The following MEI4 variants were observed in gnomAD, a reference collection of about 807,000 sequenced individuals.
MEI4 encodes meiosis-specific protein MEI4.
In MEI4, 27 loss-of-function variants were observed where a neutral mutation model predicts 31.4. The ratio of observed to expected loss-of-function variants is 0.86; its 90% CI spans 0.63 to 1.19. MEI4 has a LOEUF of 1.19. Among genes scored for constraint, MEI4 ranks in the 50% most tolerant of loss-of-function variants. The pLI, the probability that MEI4 is intolerant of heterozygous loss-of-function variation, is 0.00. For synonymous variants in MEI4, 122 were observed against 145.4 expected, an observed-to-expected ratio of 0.84 and a Z score of 1.16; for missense variants, 329 against 398.9, an observed-to-expected ratio of 0.82 and a Z score of 1.49.
intron 4 of MEI4, among the ~76,000 whole-genome samples, chr6:77,877,715 CTT>C (rs56798153): frequency 4.0e-5 from 5 of 125,858 alleles, no homozygotes; most frequent in Non-Finnish European, 6.6e-5. Context: ...AGCAGTCAGC[CTT>C]TTTTTTTTTT....
chr6:77,876,902 A>T (rs926632442), intron 4 of MEI4, among the ~76,000 whole-genome samples: 3 of 152,182 alleles, frequency 2.0e-5, no homozygotes, highest in Admixed American at 6.6e-5. Flanking sequence ...TGTGGAAGAT[A>T]TGAAGGAAAA....
intron 4 of MEI4, among the ~76,000 whole-genome samples, chr6:77,916,071 T>A (rs1226193841): frequency 2.6e-5 from 4 of 152,078 alleles, no homozygotes; most frequent in Admixed American, 2.0e-4. Context: ...ATATTTTGTG[T>A]TTTATTCAAT....
At chr6:77,887,239 GT>G (rs1160678925) in intron 4 of MEI4, among the ~76,000 whole-genome samples, 1 of 138,556 alleles carries the variant, frequency 7.2e-6, no homozygotes, top group Non-Finnish European at 1.6e-5. Flanking sequence ...TAGTCATTTT[GT>G]TTATTTTTTT....
At chr6:77,680,257 C>T (rs1235802108) in intron 1 of MEI4, among the ~76,000 whole-genome samples, 1 of 150,648 alleles carries the variant, frequency 6.6e-6, no homozygotes, top group African/African-American at 2.4e-5. Context: ...CTAGCCTGGG[C>T]GAGTGAGACT....
At chr6:77,733,327 G>T (rs1767071786) in intron 2 of MEI4, among the ~76,000 whole-genome samples, 1 of 152,040 alleles carries the variant, frequency 6.6e-6, no homozygotes, top group Non-Finnish European at 1.5e-5. Context: ...TCTATTCAGA[G>T]ATTCAACTTC....
chr6:77,747,498 G>T (rs992974164), intron 2 of MEI4, among the ~76,000 whole-genome samples: 3 of 152,064 alleles, frequency 2.0e-5, no homozygotes, highest in African/African-American at 4.8e-5. Flanking sequence ...AGGGGGAAGA[G>T]CCCCTTATAA....
At chr6:77,913,078 T>A (rs1766466774) in intron 4 of MEI4, among the ~76,000 whole-genome samples, 1 of 152,116 alleles carries the variant, frequency 6.6e-6, no homozygotes, top group Non-Finnish European at 1.5e-5. Flanking sequence ...TCACATGGGT[T>A]TTGTCCTTTA....
intron 4 of MEI4, among the ~76,000 whole-genome samples, chr6:77,895,075 G>A (rs1483267031): frequency 6.6e-6 from 1 of 152,142 alleles, no homozygotes; most frequent in African/African-American, 2.4e-5. Context: ...TTAATTACTA[G>A]CCTAACACAG....
intron 2 of MEI4, among the ~76,000 whole-genome samples, chr6:77,753,842 G>C (rs919949546): frequency 6.6e-6 from 1 of 152,106 alleles, no homozygotes. Flanking sequence ...CAAAGACTTG[G>C]AACCAACCCA....
chr6:77,699,146 G>A (rs1389272018), intron 2 of MEI4, among the ~76,000 whole-genome samples: 2 of 149,894 alleles, frequency 1.3e-5, no homozygotes, highest in Admixed American at 6.6e-5. Context: ...TCTCTGCACT[G>A]GTTATTCTAG....
intron 2 of MEI4, among the ~76,000 whole-genome samples, chr6:77,714,900 G>A (rs936407412): frequency 5.9e-5 from 9 of 152,152 alleles, no homozygotes; most frequent in African/African-American, 2.2e-4. Context: ...TGACCCTCTA[G>A]CGTATCACCT....
At chr6:77,873,947 C>T (rs1205211014) in intron 4 of MEI4, among the ~76,000 whole-genome samples, 1 of 152,174 alleles carries the variant, frequency 6.6e-6, no homozygotes, top group Admixed American at 6.5e-5. Flanking sequence ...GGGCTCTGTT[C>T]TGTTCCATTG....
At chr6:77,848,481 T>TGTGCCTGTAAATAAAACTA (rs1393050228) in intron 4 of MEI4, among the ~76,000 whole-genome samples, 2 of 152,114 alleles carry the variant, frequency 1.3e-5, no homozygotes, top group African/African-American at 4.8e-5. Context: ...TATGTCTTAA[T>TGTGCCTGTAAATAAAACTA]AAGTAAATAA....
intron 4 of MEI4, among the ~76,000 whole-genome samples, chr6:77,919,450 C>T (rs9361314): frequency 0.14 from 21,707 of 151,752 alleles, 1,823 homozygotes; most frequent in East Asian, 0.4. Flanking sequence ...TTGAAACCAA[C>T]GAGAACAAAG....
chr6:77,873,447 G>C (rs1293742934), intron 4 of MEI4, among the ~76,000 whole-genome samples: 1 of 151,950 alleles, frequency 6.6e-6, no homozygotes, highest in African/African-American at 2.4e-5. Flanking sequence ...TTTTTGATGG[G>C]GTTGTTTGTT....
intron 4 of MEI4, among the ~76,000 whole-genome samples, chr6:77,915,926 A>G (rs531208418): frequency 1.3e-5 from 2 of 151,916 alleles, no homozygotes; most frequent in African/African-American, 2.4e-5. Flanking sequence ...CATGGTGCCA[A>G]TGTCACATAT....
intron 4 of MEI4, among the ~76,000 whole-genome samples, chr6:77,848,091 C>T (rs1770529450): frequency 6.6e-6 from 1 of 152,086 alleles, no homozygotes; most frequent in Admixed American, 6.6e-5. Flanking sequence ...ATGCATGGCA[C>T]ATATTTGGTA....
At chr6:77,654,136 C>T (rs1018338590) in intron 1 of MEI4, among the ~76,000 whole-genome samples, 1 of 152,150 alleles carries the variant, frequency 6.6e-6, no homozygotes. Context: ...TAGAAGCAGG[C>T]CAGCCAGATT....
intron 3 of MEI4, among the ~76,000 whole-genome samples, chr6:77,826,017 T>G (rs1769940184): frequency 6.6e-6 from 1 of 152,292 alleles, no homozygotes; most frequent in Admixed American, 6.5e-5. Context: ...TCCCTACCAT[T>G]GAACAGTACC....
Sources: allele counts gnomAD v4.1 joint callset (sites outside exome capture counted in the v4.1 genomes callset), GRCh38; gene constraint gnomAD v4.1.1; transcripts MANE v1.5; gene names NCBI Gene and HGNC (gene_info 2026-07-23, HGNC 2026-07-21).